Variants in XKR9 observed in about 807,000 individuals in gnomAD.
XKR9 encodes XK related 9, also known as XK-related protein 9.
Under a neutral mutation model 32.0 loss-of-function variants are expected in XKR9, and 32 were observed. The observed-to-expected ratio is 1.00, with a 90% CI of 0.76 to 1.34. XKR9 has a LOEUF of 1.34. XKR9 is among the 40% of genes most tolerant of loss of function. The pLI is 0.00. For missense variants in XKR9, 546 were observed against 429.7 expected (o/e 1.27, Z -2.39); for synonymous variants, 168 against 143.4 (o/e 1.17, Z -1.22).
chr8:70,792,357 C>G (rs933540892), downstream of XKR9, among the ~76,000 whole-genome samples: 1 of 151,992 alleles, frequency 6.6e-6, no homozygotes, highest in Admixed American at 6.6e-5. Flanking sequence ...GATCCTCAGG[C>G]GTGAGTTGCC....
chr8:71,043,360 T>C, the XKR9 span, among the ~76,000 whole-genome samples: 1 of 152,200 alleles, frequency 6.6e-6, no homozygotes, highest in South Asian at 2.1e-4. Flanking sequence ...AAATGTCCAA[T>C]TCTGAGTTGA....
At chr8:70,886,497 C>G in the XKR9 span, among the ~76,000 whole-genome samples, 6 of 152,158 alleles carry the variant, frequency 3.9e-5, no homozygotes, top group Admixed American at 2.6e-4. Flanking sequence ...CTAATGTACA[C>G]TCCTACCAAC....
At chr8:70,802,610 C>T in the XKR9 span, among the ~76,000 whole-genome samples, 1 of 152,160 alleles carries the variant, frequency 6.6e-6, no homozygotes, top group Non-Finnish European at 1.5e-5. Context: ...CAGTAATTGT[C>T]TTTTCTTTCC....
At chr8:70,814,063 T>A in the XKR9 span, among the ~76,000 whole-genome samples, 10 of 152,166 alleles carry the variant, frequency 6.6e-5, no homozygotes, top group Non-Finnish European at 1.0e-4. Flanking sequence ...ACAACAATAG[T>A]CTGGATTAAG....
At chr8:71,031,597 C>T in the XKR9 span, among the ~76,000 whole-genome samples, 3 of 152,122 alleles carry the variant, frequency 2.0e-5, no homozygotes, top group Admixed American at 1.3e-4. Context: ...ACATATTAGA[C>T]ATTAGTAAGG....
intron 2 of XKR9, among the ~76,000 whole-genome samples, chr8:70,679,104 A>C (rs931083246): frequency 1.3e-5 from 2 of 152,062 alleles, no homozygotes; most frequent in African/African-American, 4.8e-5. Flanking sequence ...GTGTCCTCAC[A>C]TGGCCTTTTC....
At chr8:70,869,993 G>A in the XKR9 span, among the ~76,000 whole-genome samples, 1 of 152,154 alleles carries the variant, frequency 6.6e-6, no homozygotes, top group African/African-American at 2.4e-5. Context: ...CTGGCATATA[G>A]TAGGAATGAG....
At chr8:70,848,869 G>T in the XKR9 span, among the ~76,000 whole-genome samples, 5 of 151,804 alleles carry the variant, frequency 3.3e-5, no homozygotes, top group Non-Finnish European at 5.9e-5. Context: ...TTACATAATG[G>T]TAAAGGGATC....
the XKR9 span, among the ~76,000 whole-genome samples, chr8:70,962,385 A>C: frequency 6.6e-6 from 1 of 152,118 alleles, no homozygotes. Flanking sequence ...AATAGTCGTC[A>C]GTGTCTATTA....
the XKR9 span, among the ~76,000 whole-genome samples, chr8:70,826,007 G>T: frequency 6.6e-6 from 1 of 151,968 alleles, no homozygotes; most frequent in African/African-American, 2.4e-5. Context: ...TTAAATAAGG[G>T]TATATGGAAT....
chr8:70,734,203 A>C lies in XKR9; in HGVS notation c.901A>C (p.Ile301Leu). Residue 301 changes from isoleucine (I) to leucine (L), a missense_variant, in exon 5 of 5, where the codon ATA (isoleucine) becomes CTA (leucine). Ile to Leu is a conservative substitution (Grantham distance 5). Transcript: ENST00000408926. ...TGTTAGGGTACTGGGCACTTTGGGGATATTGACTGTATTCTGGGTTTGCCC... is the reference window on the plus strand; with the variant it reads ...TGTTAGGGTACTGGGCACTTTGGGGCTATTGACTGTATTCTGGGTTTGCCC... ...YIVRVLGTLG[I>L]LTVFWVCPLT... 6.2e-7 allele frequency: 1 copy of C among 1,613,332 alleles called. No homozygotes were observed. The highest frequency in any genetic ancestry group is 1.1e-5 in the South Asian group (1 of 91,036).
intron 2 of XKR9, among the ~76,000 whole-genome samples, chr8:70,756,983 A>G (rs1180795152): frequency 1.3e-5 from 2 of 152,206 alleles, no homozygotes; most frequent in African/African-American, 4.8e-5. Context: ...GTGGATATTT[A>G]TAGATGCTCT....
chr8:70,928,464 G>A, the XKR9 span, among the ~76,000 whole-genome samples: 1 of 151,998 alleles, frequency 6.6e-6, no homozygotes, highest in Admixed American at 6.6e-5. Context: ...TTTTTTAAAA[G>A]GCTTATAATC....
intron 2 of XKR9, among the ~76,000 whole-genome samples, chr8:70,759,408 A>T (rs1193101713): frequency 6.6e-6 from 1 of 152,148 alleles, no homozygotes; most frequent in African/African-American, 2.4e-5. Context: ...TTTTCTAAGG[A>T]TATAGTTTAG....
chr8:70,846,700 C>A, the XKR9 span, among the ~76,000 whole-genome samples: 1 of 151,878 alleles, frequency 6.6e-6, no homozygotes, highest in Admixed American at 6.6e-5. Context: ...ATGTTCCATA[C>A]AAACAGAAAC....
chr8:71,054,105 C>A, the XKR9 span, among the ~76,000 whole-genome samples: 1 of 151,814 alleles, frequency 6.6e-6, no homozygotes, highest in East Asian at 1.9e-4. Context: ...GAAGTACCAC[C>A]CAGCTAAGCC....
intron 3 of XKR9, among the ~76,000 whole-genome samples, chr8:70,688,834 A>T (rs1266793061): frequency 6.6e-6 from 1 of 152,104 alleles, no homozygotes; most frequent in African/African-American, 2.4e-5. Context: ...ATAGCATGTT[A>T]TACTTCTAGG....
At chr8:70,766,961 T>C (rs1037066458) in intron 2 of XKR9, among the ~76,000 whole-genome samples, 1 of 152,230 alleles carries the variant, frequency 6.6e-6, no homozygotes, top group Non-Finnish European at 1.5e-5. Flanking sequence ...TTGATTGTGG[T>C]GGATAAGCTT....
chr8:70,866,805 A>T, the XKR9 span, among the ~76,000 whole-genome samples: 2 of 152,116 alleles, frequency 1.3e-5, no homozygotes, highest in Non-Finnish European at 2.9e-5. Flanking sequence ...ATATCCAAAG[A>T]AATAATACAA....
Sources: gnomAD v4.1 joint callset for allele counts (sites outside exome capture counted in the v4.1 genomes callset) on GRCh38, gnomAD v4.1.1 for gene constraint, MANE v1.5 for transcripts, NCBI Gene and HGNC (gene_info 2026-07-23, HGNC 2026-07-21) for gene names.